The following TMEM51 variants were observed in gnomAD, a reference collection of about 807,000 sequenced individuals.
TMEM51 encodes the protein chromosome 1 open reading frame 72.
TMEM51 carries 8 observed loss-of-function variants against 13.6 expected under a neutral mutation model. That is an observed-to-expected ratio of 0.59 (90% confidence interval 0.35 to 1.07). TMEM51 has a LOEUF of 1.07. Ranked by LOEUF, TMEM51 falls within the 50% of genes least tolerant of loss-of-function variation. TMEM51 has a pLI of 0.02. For synonymous variants in TMEM51, 147 were observed against 144.4 expected, an observed-to-expected ratio of 1.02 and a Z score of -0.13; for missense variants, 279 against 330.7, an observed-to-expected ratio of 0.84 and a Z score of 1.21.
At chr1:15,179,758 G>C (rs539288951) in intron 1 of TMEM51, among the ~76,000 whole-genome samples, 3 of 152,296 alleles carry the variant, frequency 2.0e-5, no homozygotes, top group African/African-American at 7.2e-5. Flanking sequence ...CTCCAGCCTG[G>C]GTGACAGAGC....
chr1:15,213,433 A>G (rs938139957), intron 2 of TMEM51, among the ~76,000 whole-genome samples: 7 of 152,338 alleles, frequency 4.6e-5, no homozygotes, highest in African/African-American at 1.7e-4. Flanking sequence ...AGAATTGAAA[A>G]CAGGTCCTTG....
intron 1 of TMEM51, among the ~76,000 whole-genome samples, chr1:15,190,192 G>A (rs926522636): frequency 1.4e-4 from 21 of 152,168 alleles, no homozygotes; most frequent in African/African-American, 3.6e-4. Context: ...TCTCACAGCC[G>A]TGCTCTGCTA....
intron 1 of TMEM51, among the ~76,000 whole-genome samples, chr1:15,182,545 G>A (rs1452328809): frequency 6.6e-6 from 1 of 152,178 alleles, no homozygotes; most frequent in African/African-American, 2.4e-5. Flanking sequence ...TGAGCTTCAG[G>A]TTCTTCATTT....
intron 1 of TMEM51, among the ~76,000 whole-genome samples, chr1:15,204,671 G>A (rs1199537434): frequency 1.3e-5 from 2 of 152,196 alleles, no homozygotes; most frequent in Admixed American, 6.5e-5. Context: ...CTGAGACTTT[G>A]GGCAAGTTTC....
At chr1:15,155,349 C>T (rs766204035) in intron 1 of TMEM51, among the ~76,000 whole-genome samples, 4 of 152,212 alleles carry the variant, frequency 2.6e-5, no homozygotes, top group Non-Finnish European at 5.9e-5. Context: ...ATTGGCGATA[C>T]AGTCAGGCCA....
chr1:15,171,502 G>T (rs537698466), intron 1 of TMEM51, among the ~76,000 whole-genome samples: 1 of 152,128 alleles, frequency 6.6e-6, no homozygotes, highest in African/African-American at 2.4e-5. Context: ...GTGTCCGCGG[G>T]GGGGCCTGGG....
chr1:15,210,886 A>G (rs1275591240), intron 2 of TMEM51, among the ~76,000 whole-genome samples: 2 of 152,228 alleles, frequency 1.3e-5, no homozygotes, highest in Admixed American at 6.5e-5. Flanking sequence ...ACAGCTGACC[A>G]GATGCCCCGC....
rs547402934 is a variant in TMEM51 at position 15,157,175 on chromosome 1, G to C, written c.-267+3221G>C. ...AGATGCTGACCAGAGATAGCCCTCT[G>C]AGGGTCTCTGCTGAGCTCCCCTGAC... On this transcript the variant is annotated intron_variant, in intron 1 of 3. Coordinates refer to ENST00000376008, the MANE Select transcript of TMEM51 (RefSeq NM_001136218.2). 7.2e-5 allele frequency among the ~76,000 whole-genome samples: 11 copies of C among 152,300 alleles called. No individual in the cohort carries two copies. The East Asian group carries it at 1.9e-3, about 27-fold the overall frequency.
intron 1 of TMEM51, among the ~76,000 whole-genome samples, chr1:15,174,746 T>G (rs1475239617): frequency 6.6e-6 from 1 of 152,192 alleles, no homozygotes; most frequent in Non-Finnish European, 1.5e-5. Flanking sequence ...AGTGTTCAAT[T>G]TCTGGCGAGG....
chr1:15,198,161 A>T (rs1310082964), intron 1 of TMEM51, among the ~76,000 whole-genome samples: 2 of 151,956 alleles, frequency 1.3e-5, no homozygotes, highest in Admixed American at 1.3e-4. Flanking sequence ...TCTGCACTAG[A>T]ACCAATAGGA....
At chr1:15,185,523 A>G (rs921825895) in intron 1 of TMEM51, among the ~76,000 whole-genome samples, 1 of 152,166 alleles carries the variant, frequency 6.6e-6, no homozygotes, top group Non-Finnish European at 1.5e-5. Flanking sequence ...TCTCTTCTTC[A>G]TTTACTGGGA....
At chr1:15,183,443 T>C (rs1039366776) in intron 1 of TMEM51, among the ~76,000 whole-genome samples, 1 of 152,226 alleles carries the variant, frequency 6.6e-6, no homozygotes, top group African/African-American at 2.4e-5. Context: ...TTTATGTCCC[T>C]TTGCCTCCAT....
chr1:15,202,676 A>G (rs1343629811), intron 1 of TMEM51, among the ~76,000 whole-genome samples: 2 of 152,054 alleles, frequency 1.3e-5, no homozygotes, highest in Non-Finnish European at 2.9e-5. Flanking sequence ...CTACTCATCA[A>G]ATTGGGCCCA....
At chr1:15,186,755 G>A (rs1265321622) in intron 1 of TMEM51, among the ~76,000 whole-genome samples, 1 of 152,188 alleles carries the variant, frequency 6.6e-6, no homozygotes, top group Non-Finnish European at 1.5e-5. Flanking sequence ...CTGAGGGTGG[G>A]ATGGTCACAT....
chr1:15,164,443 T>C (rs1455595738), intron 1 of TMEM51: 1 of 456,110 alleles, frequency 2.2e-6, no homozygotes, highest in Admixed American at 2.3e-5. Flanking sequence ...ACTGGGCCTT[T>C]GGGTTTTGGG....
At position 15,188,126 on chromosome 1, in the gene TMEM51, C is replaced by T. The variant is rs955721471; in HGVS notation, c.-266-22364C>T. Among the ~76,000 whole-genome samples, 6 of 152,296 alleles carry T rather than the reference C, an allele frequency of 3.9e-5. 1 individual carries two copies. The East Asian group carries it at 1.2e-3, about 29-fold the overall frequency. On this transcript the variant is annotated intron_variant, in intron 1 of 3. Coordinates refer to ENST00000376008, the MANE Select transcript of TMEM51 (RefSeq NM_001136218.2). Reference sequence around the variant, plus strand: ...GCTAGGTCCAGCTGGATTTCTGGGTCCAGTGGTACCCTCTGGAGTTTCTCT... The same window carrying T: ...GCTAGGTCCAGCTGGATTTCTGGGTTCAGTGGTACCCTCTGGAGTTTCTCT...
At position 15,219,922 on chromosome 1, in the gene TMEM51, G is replaced by A. The variant is rs763135364; in HGVS notation, c.*179G>A. 52 of 657,072 alleles carry A rather than the reference G, an allele frequency of 7.9e-5. No individual in the cohort carries two copies. Among genetic ancestry groups the A allele is most frequent in the Non-Finnish European group, 1.1e-4 (45 of 393,434 alleles). The allele number at this position is 657,072 out of a possible 1,614,324, so 40.7% of individuals were successfully genotyped here. Reference sequence around the variant, plus strand: ...AGGAGTGACTTTGTTGCCCCACACAGCCTCCTGCTGCAGGTGCTTTGGAAA... The same window carrying A: ...AGGAGTGACTTTGTTGCCCCACACAACCTCCTGCTGCAGGTGCTTTGGAAA... On this transcript the variant is annotated 3_prime_UTR_variant, in exon 4 of 4. Transcript: ENST00000376008.
intron 3 of TMEM51, among the ~76,000 whole-genome samples, chr1:15,216,551 A>T (rs962812678): frequency 3.3e-5 from 5 of 152,178 alleles, no homozygotes; most frequent in African/African-American, 1.2e-4. Flanking sequence ...GACTGATAGA[A>T]ACTTTCTTAA....
chr1:15,160,728 C>T (rs868560245), intron 1 of TMEM51, among the ~76,000 whole-genome samples: 3 of 151,952 alleles, frequency 2.0e-5, no homozygotes, highest in South Asian at 4.1e-4. Flanking sequence ...CAAACAGTGA[C>T]AGATGCAAAT....
Sources: allele counts gnomAD v4.1 joint callset (sites outside exome capture counted in the v4.1 genomes callset), GRCh38; gene constraint gnomAD v4.1.1; transcripts MANE v1.5; gene names NCBI Gene and HGNC (gene_info 2026-07-23, HGNC 2026-07-21).